DDAH1: variants seen among roughly 807,000 people sequenced by gnomAD.
DDAH1 encodes dimethylarginine dimethylaminohydrolase 1.
Under a neutral mutation model 28.8 loss-of-function variants are expected in DDAH1, and 19 were observed. The ratio of observed to expected loss-of-function variants is 0.66; its 90% CI spans 0.46 to 0.97. DDAH1 has a LOEUF of 0.97. Ranked by LOEUF, DDAH1 falls within the 50% of genes least tolerant of loss-of-function variation. The probability of loss-of-function intolerance (pLI) is 0.00; values close to 1 mark genes in which losing one functional copy is unlikely to be tolerated. For synonymous variants in DDAH1, 153 were observed against 154.4 expected (o/e 0.99, Z 0.07); for missense variants, 326 against 375.9 (o/e 0.87, Z 1.10).
At chr1:85,510,119 A>G (rs531604089) in intron 1 of DDAH1, among the ~76,000 whole-genome samples, 108 of 152,348 alleles carry the variant, frequency 7.1e-4, no homozygotes, top group South Asian at 1.4e-3. Flanking sequence ...GTTACCCACA[A>G]AGGGAAGCCC....
In DDAH1 at chr1:85,464,643, G is replaced by A; in HGVS notation, c.303+100C>T. 1 of 1,485,866 alleles carries A rather than the reference G, an allele frequency of 6.7e-7. No homozygotes were observed. The highest frequency in any genetic ancestry group is 8.9e-7 in the Non-Finnish European group (1 of 1,120,128). 92.0% of individuals were successfully genotyped at this position (1,485,866 alleles called of 1,614,324 possible). On this transcript the variant is annotated intron_variant, in intron 1 of 5. Coordinates refer to ENST00000284031, the MANE Select transcript of DDAH1 (RefSeq NM_012137.4). This position sits in a 1 kb window ranked among gnomAD's most constrained non-coding sequence, Gnocchi z 4.4. ...CCCGACGGGAAGTTGTGAACTACTA[G>A]CCCGAGGGCCAATGGCGCGACTCCC...
intron 1 of DDAH1, among the ~76,000 whole-genome samples, chr1:85,504,458 C>G (rs1192978626): frequency 6.6e-6 from 1 of 152,202 alleles, no homozygotes. Context: ...GGTCACACTC[C>G]TGGGTCACCA....
intron 2 of DDAH1, among the ~76,000 whole-genome samples, chr1:85,483,937 T>C (rs1656102308): frequency 6.6e-6 from 1 of 152,226 alleles, no homozygotes; most frequent in South Asian, 2.1e-4. Context: ...AGTTCTCTAA[T>C]GCTATGTCTT....
At chr1:85,434,037 C>A (rs182821243) in intron 1 of DDAH1, among the ~76,000 whole-genome samples, 1 of 152,206 alleles carries the variant, frequency 6.6e-6, no homozygotes, top group Admixed American at 6.5e-5. Context: ...GATACCATAT[C>A]AGGATGTAAA....
intron 4 of DDAH1, among the ~76,000 whole-genome samples, chr1:85,328,625 C>A (rs529599875): frequency 6.6e-6 from 1 of 152,248 alleles, no homozygotes; most frequent in South Asian, 2.1e-4. Context: ...CCTAGTTTAC[C>A]CAAGAAGTTC....
intron 1 of DDAH1, among the ~76,000 whole-genome samples, chr1:85,549,965 T>G (rs1024026016): frequency 6.6e-6 from 1 of 152,200 alleles, no homozygotes; most frequent in African/African-American, 2.4e-5. Context: ...TAATAGAATA[T>G]TCTATGATGC....
At chr1:85,362,105 G>A (rs750486422) in intron 1 of DDAH1, among the ~76,000 whole-genome samples, 7 of 152,002 alleles carry the variant, frequency 4.6e-5, no homozygotes, top group Non-Finnish European at 8.8e-5. Flanking sequence ...GCTTTCCTGT[G>A]AATTAAAATT....
At chr1:85,561,385 A>G (rs2100804494) in intron 1 of DDAH1, among the ~76,000 whole-genome samples, 1 of 152,224 alleles carries the variant, frequency 6.6e-6, no homozygotes, top group East Asian at 1.9e-4. Context: ...CAGATGTTGT[A>G]AAAAGAAAAA....
At chr1:85,434,725 T>G (rs1269947477) in intron 1 of DDAH1, among the ~76,000 whole-genome samples, 1 of 152,164 alleles carries the variant, frequency 6.6e-6, no homozygotes, top group African/African-American at 2.4e-5. Flanking sequence ...ATAAGTGACA[T>G]TCTCTGACCA....
upstream of DDAH1, among the ~76,000 whole-genome samples, chr1:85,469,089 T>C (rs1655525040): frequency 6.6e-6 from 1 of 152,196 alleles, no homozygotes; most frequent in Admixed American, 6.5e-5. Flanking sequence ...AAGGGATGCA[T>C]ATCACCTCTG....
At chr1:85,404,598 A>G (rs977863550) in intron 1 of DDAH1, 16 of 1,251,762 alleles carry the variant, frequency 1.3e-5, no homozygotes, top group Non-Finnish European at 1.5e-5. Context: ...AATACAGAGC[A>G]TGTCTGCTGA....
chr1:85,404,222 G>A (rs1444664415), intron 1 of DDAH1, among the ~76,000 whole-genome samples: 1 of 152,124 alleles, frequency 6.6e-6, no homozygotes, highest in Non-Finnish European at 1.5e-5. Context: ...CGCAAGTATT[G>A]AGCATTTAAT....
chr1:85,414,377 T>C (rs1652791087), intron 1 of DDAH1, among the ~76,000 whole-genome samples: 1 of 152,182 alleles, frequency 6.6e-6, no homozygotes, highest in African/African-American at 2.4e-5. Context: ...GTCTTAAACA[T>C]GAAAGGCAAA....
intron 2 of DDAH1, among the ~76,000 whole-genome samples, chr1:85,486,383 G>A (rs1656204862): frequency 6.6e-6 from 1 of 152,122 alleles, no homozygotes; most frequent in Non-Finnish European, 1.5e-5. Context: ...AAATCAAAAG[G>A]CTCAGGGAGA....
intron 1 of DDAH1, among the ~76,000 whole-genome samples, chr1:85,405,383 A>T (rs1652356573): frequency 1.3e-5 from 2 of 152,242 alleles, no homozygotes; most frequent in African/African-American, 4.8e-5. Flanking sequence ...CACTGTATGT[A>T]GTTCTATAGA....
intron 1 of DDAH1, among the ~76,000 whole-genome samples, chr1:85,415,065 A>C (rs1299255051): frequency 8.8e-6 from 1 of 113,452 alleles, no homozygotes; most frequent in Admixed American, 1.4e-4. Flanking sequence ...CCCAGGCTGG[A>C]GTGCAATGGT....
In DDAH1 at chr1:85,464,853, G is replaced by A. The variant is rs958110355; in HGVS notation, c.193C>T (p.Leu65=). The A allele has an allele frequency of 6.3e-7, 1 of 1,587,100 alleles. No homozygotes were observed. Among genetic ancestry groups the A allele is most frequent in the Non-Finnish European group, 8.5e-7 (1 of 1,174,702 alleles). Residue 65 remains leucine (L), a synonymous_variant, in exon 1 of 6, where the codon CTG becomes TTG. Coordinates refer to ENST00000284031, the MANE Select transcript of DDAH1 (RefSeq NM_012137.4). The surrounding 1 kb of genome is among the most constrained non-coding windows in gnomAD (Gnocchi z 4.4). The part of the protein sequence containing the change: ...GSKLGLQVVE[L]PADESLPDCV... ...TCCGGAAGGCTCTCGTCGGCCGGCA[G>A]CTCCACCACCTGCAGCCCCAGCTTG... is the stretch of plus-strand genomic sequence containing the variant.
chr1:85,366,031 A>G (rs1246021511), intron 1 of DDAH1, among the ~76,000 whole-genome samples: 1 of 152,056 alleles, frequency 6.6e-6, no homozygotes, highest in African/African-American at 2.4e-5. Flanking sequence ...CCATGTTGTG[A>G]ATTGCCTGAA....
At chr1:85,516,545 C>A (rs1314039045) in intron 1 of DDAH1, among the ~76,000 whole-genome samples, 1 of 151,418 alleles carries the variant, frequency 6.6e-6, no homozygotes, top group Non-Finnish European at 1.5e-5. Context: ...TTAATCATTG[C>A]ATTTTCCCTC....
Sources: allele counts gnomAD v4.1 joint callset (sites outside exome capture counted in the v4.1 genomes callset), GRCh38; gene constraint gnomAD v4.1.1; non-coding constraint Gnocchi (gnomAD v3.1); transcripts MANE v1.5; gene names NCBI Gene and HGNC (gene_info 2026-07-23, HGNC 2026-07-21).